The following KANSL1 variants were observed in gnomAD, a reference collection of about 807,000 sequenced individuals.
The protein encoded by KANSL1 is MLL1/MLL complex subunit KANSL1.
Under a neutral mutation model 103.6 loss-of-function variants are expected in KANSL1, and 22 were observed. The observed-to-expected ratio is 0.21, with a 90% CI of 0.15 to 0.30. The LOEUF (loss-of-function observed/expected upper bound fraction) is 0.30, where lower values mean the gene tolerates loss of function less well. Among genes scored for constraint, KANSL1 ranks in the 10% least tolerant of loss-of-function variants. The pLI, the probability that KANSL1 is intolerant of heterozygous loss-of-function variation, is 1.00. For missense variants in KANSL1, 1,337 were observed against 1,399.8 expected, an observed-to-expected ratio of 0.96 and a Z score of 0.72; for synonymous variants, 600 against 527.6, an observed-to-expected ratio of 1.14 and a Z score of -1.88.
At chr17:46,080,365 G>A (rs1306481624) in intron 4 of KANSL1, among the ~76,000 whole-genome samples, 6 of 147,728 alleles carry the variant, frequency 4.1e-5, no homozygotes, top group African/African-American at 1.5e-4. Context: ...TCCATTTGGG[G>A]AAAAAATTAA....
chr17:46,193,687 C>T, upstream of KANSL1: 1 of 300,946 alleles, frequency 3.3e-6, no homozygotes, highest in South Asian at 2.3e-5. Flanking sequence ...GGACGTGCGG[C>T]GACGGCACGC....
chr17:46,168,436 C>T (rs1466071544), intron 2 of KANSL1, among the ~76,000 whole-genome samples: 4 of 152,156 alleles, frequency 2.6e-5, no homozygotes, highest in African/African-American at 9.7e-5. Context: ...CAACCTCCGC[C>T]TCTCACGTTC....
At chr17:46,055,486 A>C (rs2077892629) in intron 6 of KANSL1, among the ~76,000 whole-genome samples, 1 of 152,056 alleles carries the variant, frequency 6.6e-6, no homozygotes, top group African/African-American at 2.4e-5. Context: ...AAAAGTGAAA[A>C]AAGATTATAT....
At chr17:46,114,088 T>C (rs1298811153) in intron 2 of KANSL1, among the ~76,000 whole-genome samples, 1 of 152,114 alleles carries the variant, frequency 6.6e-6, no homozygotes, top group Non-Finnish European at 1.5e-5. Flanking sequence ...GGGCCAGGCA[T>C]GTTGGCTCAC....
intron 6 of KANSL1, among the ~76,000 whole-genome samples, chr17:46,062,296 C>A (rs17575683): frequency 6.8e-6 from 1 of 147,704 alleles, no homozygotes; most frequent in Admixed American, 6.8e-5. Flanking sequence ...ACGAGTTTAA[C>A]TTACTGAACA....
At chr17:46,079,177 C>T (rs2078896499) in intron 4 of KANSL1, among the ~76,000 whole-genome samples, 2 of 152,180 alleles carry the variant, frequency 1.3e-5, no homozygotes, top group South Asian at 4.1e-4. Flanking sequence ...AAAGGTTCAC[C>T]CATGAATTCA....
chr17:46,054,745 G>C (rs2146528137), intron 6 of KANSL1, among the ~76,000 whole-genome samples: 1 of 152,228 alleles, frequency 6.6e-6, no homozygotes, highest in South Asian at 2.1e-4. Flanking sequence ...CTCCAAGATA[G>C]CAGGCAACCT....
chr17:46,078,111 T>C (rs2078854776), intron 4 of KANSL1, among the ~76,000 whole-genome samples: 1 of 152,222 alleles, frequency 6.6e-6, no homozygotes, highest in Non-Finnish European at 1.5e-5. Context: ...ACTACCTGGT[T>C]ACCTTCATTT....
chr17:46,216,281 T>G lies in KANSL1; in HGVS notation c.-90+7390A>C, dbSNP rs559238976. On this transcript the variant is annotated intron_variant, in intron 1 of 14. Coordinates refer to the KANSL1 transcript ENST00000572904. ...GGTCAAGGGAAGGCAAATACTAATG[T>G]TTTTAGGAGCAAAAGAGGAAAAAAG... 9.9e-5 allele frequency among the ~76,000 whole-genome samples: 15 copies of G among 152,220 alleles called. No homozygotes were observed. In the South Asian group the frequency reaches 2.5e-3, roughly 25 times the overall value.
intron 4 of KANSL1, among the ~76,000 whole-genome samples, chr17:46,068,012 G>A (rs917163054): frequency 6.6e-6 from 1 of 152,054 alleles, no homozygotes; most frequent in African/African-American, 2.4e-5. Context: ...TTGCTTTGGG[G>A]GGAAGAGGGA....
intron 2 of KANSL1, among the ~76,000 whole-genome samples, chr17:46,104,615 G>A (rs979297929): frequency 1.3e-5 from 2 of 152,168 alleles, no homozygotes; most frequent in African/African-American, 4.8e-5. Context: ...AACAATATGA[G>A]AGAGTTTTAG....
intron 4 of KANSL1, among the ~76,000 whole-genome samples, chr17:46,073,477 CAT>C (rs1040050447): frequency 6.6e-6 from 1 of 152,052 alleles, no homozygotes; most frequent in Non-Finnish European, 1.5e-5. Flanking sequence ...AAAATATATA[CAT>C]GTGTCTGCTC....
rs1568364806 is a variant in KANSL1 at position 46,031,503 on chromosome 17, G to C, written c.3291C>G (p.Ala1097=). The change falls in exon 15 of 15, where the codon GCC becomes GCG. Residue 1097 remains alanine (A), a synonymous_variant. Coordinates refer to ENST00000432791, the MANE Select transcript of KANSL1 (RefSeq NM_015443.4). ...ATCTGTGAGTCGGGCGCTGAGCTGTGGCTGCTGCCACCAGATGCCGACTCT... is the reference window on the plus strand; with the variant it reads ...ATCTGTGAGTCGGGCGCTGAGCTGTCGCTGCTGCCACCAGATGCCGACTCT... ...PLKSRHLVAA[A]TAQRPTHR The C allele has an allele frequency of 6.2e-7, 1 of 1,613,054 alleles. No individual in the cohort carries two copies. The highest frequency in any genetic ancestry group is 1.1e-5 in the South Asian group (1 of 90,928).
chr17:46,031,306 A>G lies in KANSL1; in HGVS notation c.*170T>C. 4.2e-6 allele frequency: 3 copies of G among 712,346 alleles called. No individual in the cohort carries two copies. Among genetic ancestry groups the G allele is most frequent in the Middle Eastern group, 3.7e-4 (1 of 2,696 alleles). 44.1% of individuals were successfully genotyped at this position (712,346 alleles called of 1,614,324 possible). On this transcript the variant is annotated 3_prime_UTR_variant, in exon 15 of 15. Transcript: ENST00000432791. ...GACAAGAAAACATGGAAACAAAAAC[A>G]AAACAAAAATTAAAACAAGAAAAAA...
At chr17:46,064,864 AT>A (rs1020726128) in intron 6 of KANSL1, among the ~76,000 whole-genome samples, 1 of 145,492 alleles carries the variant, frequency 6.9e-6, no homozygotes. Flanking sequence ...TCTCTCCAGG[AT>A]TTTTTTTAAT....
At chr17:46,038,861 G>A in intron 9 of KANSL1, 166 bp downstream of exon 9, 9 of 1,117,506 alleles carry the variant, frequency 8.1e-6, no homozygotes, top group South Asian at 7.4e-5. Context: ...AGAGGTTGCT[G>A]TAGCAGTTAA....
intron 7 of KANSL1, among the ~76,000 whole-genome samples, chr17:46,046,608 C>T (rs187562469): frequency 2.1e-5 from 3 of 141,188 alleles, no homozygotes; most frequent in East Asian, 2.2e-4. Context: ...GAGGCCAAGA[C>T]GGGTGGATCA....
At chr17:46,134,421 T>C (rs1339160481) in intron 2 of KANSL1, among the ~76,000 whole-genome samples, 1 of 151,892 alleles carries the variant, frequency 6.6e-6, no homozygotes, top group African/African-American at 2.4e-5. Context: ...TAAATAAAAA[T>C]AAACACATTA....
Position 46,031,435 on chromosome 17 carries a change from T to C in KANSL1, c.*41A>G. On this transcript the variant is annotated 3_prime_UTR_variant, in exon 15 of 15. Transcript: ENST00000432791. ...AACGCAGAGATTTCTGAAGCTTTAA[T>C]GCCAATAGTTAGTGAGTCTGTTTAG... 6.6e-7 allele frequency: 1 copy of C among 1,518,008 alleles called. No homozygotes were observed. Among genetic ancestry groups the C allele is most frequent in the East Asian group, 2.4e-5 (1 of 42,426 alleles). 94.0% of individuals were successfully genotyped at this position (1,518,008 alleles called of 1,614,324 possible).
Sources: gnomAD v4.1 joint callset for allele counts (sites outside exome capture counted in the v4.1 genomes callset) on GRCh38, gnomAD v4.1.1 for gene constraint, MANE v1.5 for transcripts, NCBI Gene and HGNC (gene_info 2026-07-23, HGNC 2026-07-21) for gene names.